DPP10: variants seen among roughly 807,000 people sequenced by gnomAD.
The protein encoded by DPP10 is inactive dipeptidyl peptidase 10.
DPP10 carries 33 observed loss-of-function variants against 120.9 expected under a neutral mutation model. That is an observed-to-expected ratio of 0.27 (90% confidence interval 0.21 to 0.37). The LOEUF is 0.37. Ranked by LOEUF, DPP10 falls within the 10% of genes least tolerant of loss-of-function variation. DPP10 has a pLI of 1.00. For missense variants in DPP10, 816 were observed against 942.8 expected (o/e 0.87, Z 1.76); for synonymous variants, 337 against 326.1 (o/e 1.03, Z -0.36).
At chr2:115,098,764 A>T (rs1169776302) in intron 1 of DPP10, among the ~76,000 whole-genome samples, 1 of 152,228 alleles carries the variant, frequency 6.6e-6, no homozygotes, top group African/African-American at 2.4e-5. Flanking sequence ...CATGCACTAT[A>T]GCTAGTCAGA....
chr2:114,846,968 C>A (rs992612911), intron 1 of DPP10, among the ~76,000 whole-genome samples: 1 of 152,102 alleles, frequency 6.6e-6, no homozygotes, highest in Non-Finnish European at 1.5e-5. Context: ...AGCATCATCA[C>A]CCCTGTTTTC....
intron 3 of DPP10, among the ~76,000 whole-genome samples, chr2:115,447,705 T>A (rs567915561): frequency 6.6e-6 from 1 of 152,324 alleles, no homozygotes; most frequent in Admixed American, 6.5e-5. Flanking sequence ...TTGCTTCTCC[T>A]CATCTTCTGC....
chr2:114,715,373 G>T (rs1336281728), intron 1 of DPP10, among the ~76,000 whole-genome samples: 3 of 151,948 alleles, frequency 2.0e-5, no homozygotes, highest in African/African-American at 7.3e-5. Flanking sequence ...CGTTGAAGAG[G>T]TTCAAATAAG....
At chr2:114,733,210 CT>C (rs1677088771) in intron 1 of DPP10, among the ~76,000 whole-genome samples, 1 of 152,142 alleles carries the variant, frequency 6.6e-6, no homozygotes, top group African/African-American at 2.4e-5. Context: ...CCTCTATATC[CT>C]TGGACAGTCT....
intron 1 of DPP10, among the ~76,000 whole-genome samples, chr2:114,788,091 A>C (rs1054362775): frequency 3.9e-5 from 6 of 152,124 alleles, no homozygotes; most frequent in African/African-American, 1.4e-4. Context: ...TGTGTTTTCT[A>C]TGTTCATATA....
intron 1 of DPP10, among the ~76,000 whole-genome samples, chr2:114,523,459 A>G (rs11674031): frequency 0.15 from 22,435 of 152,152 alleles, 1,771 homozygotes; most frequent in Middle Eastern, 0.26. Flanking sequence ...CAGTTTCCCA[A>G]TGGTGTCTCC....
At chr2:115,209,524 C>A (rs1182954989) in intron 1 of DPP10, among the ~76,000 whole-genome samples, 1 of 152,172 alleles carries the variant, frequency 6.6e-6, no homozygotes, top group African/African-American at 2.4e-5. Context: ...TTACCTTTTG[C>A]TAAAGTAGAC....
intron 8 of DPP10, among the ~76,000 whole-genome samples, chr2:115,737,666 C>G (rs1468838104): frequency 6.6e-6 from 1 of 152,114 alleles, no homozygotes; most frequent in Admixed American, 6.6e-5. Context: ...TACACTGATT[C>G]TACTCAGAAC....
At chr2:114,703,051 C>A (rs764035057) in intron 1 of DPP10, among the ~76,000 whole-genome samples, 3 of 151,984 alleles carry the variant, frequency 2.0e-5, no homozygotes, top group Non-Finnish European at 1.5e-5. Context: ...TGATCTTCTC[C>A]TGGAGGTTGT....
chr2:114,618,032 T>C (rs1386220050), intron 1 of DPP10, among the ~76,000 whole-genome samples: 1 of 152,104 alleles, frequency 6.6e-6, no homozygotes, highest in Non-Finnish European at 1.5e-5. Flanking sequence ...ACTGTGTGTT[T>C]AAATACCAAA....
intron 1 of DPP10, among the ~76,000 whole-genome samples, chr2:114,921,920 T>C (rs143498244): frequency 6.6e-5 from 10 of 152,234 alleles, no homozygotes; most frequent in African/African-American, 1.9e-4. Context: ...TTTAAACTTT[T>C]ATTGATTATT....
intron 1 of DPP10, among the ~76,000 whole-genome samples, chr2:114,637,117 G>A (rs887616612): frequency 7.9e-5 from 12 of 152,032 alleles, no homozygotes; most frequent in Middle Eastern, 3.4e-3. Context: ...TTACAAATGG[G>A]ATGAGATTCT....
rs750060461 is a variant in DPP10, at chr2:115,768,324, G to A, written c.1141G>A (p.Gly381Ser). 1.4e-5 allele frequency: 22 copies of A among 1,613,444 alleles called. 1 individual carries two copies. The highest frequency in any genetic ancestry group is 1.3e-4 in the South Asian group (12 of 91,064). Reference sequence around the variant, plus strand: ...TGAGGAGCCCGTGTTTTCTAGAGACGGCAGCAAATTCTTTATGACAGTGCC... The same window carrying A: ...TGAGGAGCCCGTGTTTTCTAGAGACAGCAGCAAATTCTTTATGACAGTGCC... ...QNEEPVFSRD[G>S]SKFFMTVPVK... is the part of the protein sequence containing the mutation. The change falls in exon 13 of 26, where the codon GGC becomes AGC. Residue 381 changes from glycine to serine, a missense_variant. This residue lies in a region of DPP10 where 592 missense variants were observed against 649.0 expected (regional missense o/e 0.91). Coordinates refer to ENST00000410059, the MANE Select transcript of DPP10 (RefSeq NM_020868.6).
intron 3 of DPP10, among the ~76,000 whole-genome samples, chr2:115,401,816 A>G (rs558020389): frequency 6.5e-4 from 99 of 152,258 alleles, no homozygotes; most frequent in Non-Finnish European, 8.1e-4. Context: ...CCGAAGAAAC[A>G]TGAAAGTGTG....
At chr2:115,518,230 G>T (rs1004408063) in intron 4 of DPP10, among the ~76,000 whole-genome samples, 3 of 152,156 alleles carry the variant, frequency 2.0e-5, no homozygotes, top group Admixed American at 2.0e-4. Flanking sequence ...GTTTGAAGGA[G>T]TCAAACATCG....
intron 1 of DPP10, among the ~76,000 whole-genome samples, chr2:115,058,276 C>CA (rs556050613): frequency 2.5e-4 from 29 of 113,984 alleles, no homozygotes; most frequent in African/African-American, 8.9e-4. Context: ...CATAAAGGGA[C>CA]AAAAAAAAAA....
At chr2:114,687,965 C>T (rs931600351) in intron 1 of DPP10, among the ~76,000 whole-genome samples, 12 of 151,944 alleles carry the variant, frequency 7.9e-5, no homozygotes, top group Admixed American at 3.3e-4. Flanking sequence ...GAAAACATTT[C>T]TTCTAATTCT....
At chr2:114,455,371 C>G (rs547266121) in intron 1 of DPP10, among the ~76,000 whole-genome samples, 1 of 152,070 alleles carries the variant, frequency 6.6e-6, no homozygotes, top group South Asian at 2.1e-4. Flanking sequence ...ATAGTGAAAC[C>G]CTGTCTCTAC....
chr2:115,309,821 T>C (rs986516312), intron 2 of DPP10, among the ~76,000 whole-genome samples: 3 of 152,106 alleles, frequency 2.0e-5, no homozygotes, highest in African/African-American at 7.2e-5. Flanking sequence ...CTATTTCTTG[T>C]GTCTTCTTTT....
Sources: allele counts gnomAD v4.1 joint callset (sites outside exome capture counted in the v4.1 genomes callset), GRCh38; gene constraint gnomAD v4.1.1; regional missense constraint gnomAD v4.1.1; transcripts MANE v1.5; gene names NCBI Gene and HGNC (gene_info 2026-07-23, HGNC 2026-07-21).